TECPR1: variants seen among roughly 807,000 people sequenced by gnomAD.
TECPR1 encodes tectonin beta-propeller repeat-containing protein 1.
In TECPR1, 122 loss-of-function variants were observed where a neutral mutation model predicts 162.4. That is an observed-to-expected ratio of 0.75 (90% CI 0.65 to 0.87). The LOEUF is 0.87. Ranked by LOEUF, TECPR1 falls within the 40% of genes least tolerant of loss-of-function variation. The probability of loss-of-function intolerance (pLI) is 0.00; values close to 1 mark genes in which losing one functional copy is unlikely to be tolerated. For synonymous variants in TECPR1, 642 were observed against 670.6 expected (o/e 0.96, Z 0.66); for missense variants, 1,432 against 1,618.2 (o/e 0.88, Z 1.97).
At position 98,227,994 on chromosome 7, in the gene TECPR1, C is replaced by G; in HGVS notation, c.2513+20G>C. On this transcript the variant is annotated intron_variant, in intron 17 of 25. Coordinates refer to ENST00000447648, the MANE Select transcript of TECPR1 (RefSeq NM_015395.3). The stretch of plus-strand genomic sequence containing the variant: ...GGCCTATGCCAGGCAGCATCCTGGC[C>G]GGGCACCTGTGCCACTTACCTGCTG... The G allele has an allele frequency of 6.2e-7, 1 of 1,600,196 alleles. No homozygotes were observed. The highest frequency in any genetic ancestry group is 8.5e-7 in the Non-Finnish European group (1 of 1,171,962).
At chr7:98,225,231 G>A (rs1798251811) in intron 17 of TECPR1, 129 bp from the exon 18 acceptor site, 2 of 842,170 alleles carry the variant, frequency 2.4e-6, no homozygotes, top group African/African-American at 1.7e-5. Context: ...CCAGGCACTC[G>A]CACTCCTAAG....
intron 17 of TECPR1, among the ~76,000 whole-genome samples, chr7:98,225,451 C>T (rs1798256600): frequency 6.6e-6 from 1 of 151,662 alleles, no homozygotes; most frequent in African/African-American, 2.4e-5. Context: ...AGGGGAATCG[C>T]TTGAACCCGG....
chr7:98,250,217 A>G (rs1353336343), intron 2 of TECPR1, among the ~76,000 whole-genome samples: 4 of 152,190 alleles, frequency 2.6e-5, no homozygotes, highest in Admixed American at 6.5e-5. Flanking sequence ...TGCTGACTGT[A>G]TAATTCTTTC....
At chr7:98,226,737 C>T (rs1477065994) in intron 17 of TECPR1, 2 of 933,064 alleles carry the variant, frequency 2.1e-6, no homozygotes, top group Non-Finnish European at 3.0e-6. Flanking sequence ...AGTTGGAGAC[C>T]AGCCTCACCA....
rs370643693 is a variant in TECPR1 at position 98,236,892 on chromosome 7, G to A, written c.1065C>T (p.Ala355=). The change falls in exon 10 of 26, where the codon GCC becomes GCT. Residue 355 remains alanine (A), a synonymous_variant. Coordinates refer to ENST00000447648, the MANE Select transcript of TECPR1 (RefSeq NM_015395.3). ...QVWGIGCEDR[A]VYFRQGVTPS... ...GGGTGACACCCTGCCGGAAGTACAC[G>A]GCTCGGTCCTCACAGCCAATGCCCC... is the stretch of plus-strand genomic sequence containing the variant. The A allele has an allele frequency of 2.7e-5, 43 of 1,574,522 alleles. 1 individual carries two copies. The highest frequency in any genetic ancestry group is 2.5e-4 in the African/African-American group (18 of 73,404).
intron 21 of TECPR1, 77 bp from the exon 22 acceptor site, chr7:98,222,598 T>C (rs1026367326): frequency 1.3e-6 from 2 of 1,511,928 alleles, no homozygotes; most frequent in Non-Finnish European, 1.8e-6. Flanking sequence ...CCAGCAGAAA[T>C]GGGCCTAGCG....
chr7:98,237,661 G>C (rs910709255), intron 9 of TECPR1, among the ~76,000 whole-genome samples: 17 of 152,130 alleles, frequency 1.1e-4, no homozygotes, highest in African/African-American at 4.1e-4. Context: ...TAGACACAAG[G>C]TTTCACTGTG....
In TECPR1 at chr7:98,217,492, G is replaced by C. The variant is rs201224382; in HGVS notation, c.3396C>G (p.Asp1132Glu). ...GWDYGIGGGW[D>E]HISVRANATR... ...TGGCATTGGCCCGGACAGAGATATG[G>C]TCCCAGCCTCCCTGGAAGGAGAGAG... is the stretch of plus-strand genomic sequence containing the variant. The change falls in exon 26 of 26, where the codon GAC (aspartate) becomes GAG (glutamate). Residue 1132 changes from aspartate (D) to glutamate (E), a missense_variant. Coordinates refer to ENST00000447648, the MANE Select transcript of TECPR1 (RefSeq NM_015395.3). 2.8e-5 allele frequency: 45 copies of C among 1,606,930 alleles called. No individual in the cohort carries two copies. The African/African-American group carries it at 5.5e-4, about 20-fold the overall frequency.
rs1798512964 is a variant in TECPR1 at position 98,233,622 on chromosome 7, C to T, written c.1471G>A (p.Asp491Asn). The T allele has an allele frequency of 1.3e-6, 2 of 1,587,228 alleles. No homozygotes were observed. Among genetic ancestry groups the T allele is most frequent in the African/African-American group, 2.7e-5 (2 of 74,012 alleles). ...GGCACTTTCTTGGCCTCCTTGAGGT[C>T]AATATTGGTCCAGGGCAGCTCGGCC... The part of the protein sequence containing the change: ...TPAELPWTNI[D>N]LKEAKKVPSH... The change falls in exon 11 of 26, where the codon GAC becomes AAC. Residue 491 changes from aspartate to asparagine, a missense_variant. By Grantham distance (23) the Asp-to-Asn change is conservative (BLOSUM62 1). Transcript: ENST00000447648.
At chr7:98,237,659 A>C (rs769626739) in intron 9 of TECPR1, among the ~76,000 whole-genome samples, 2 of 152,058 alleles carry the variant, frequency 1.3e-5, no homozygotes, top group South Asian at 4.2e-4. Context: ...AGTAGACACA[A>C]GGTTTCACTG....
At chr7:98,229,479 T>C (rs1270236617) in intron 15 of TECPR1, among the ~76,000 whole-genome samples, 1 of 152,070 alleles carries the variant, frequency 6.6e-6, no homozygotes, top group African/African-American at 2.4e-5. Context: ...CAGCGGCGTG[T>C]TTCACAGGGG....
intron 23 of TECPR1, among the ~76,000 whole-genome samples, chr7:98,219,210 G>A (rs531675451): frequency 9.9e-5 from 15 of 152,134 alleles, no homozygotes; most frequent in African/African-American, 3.4e-4. Flanking sequence ...AACTGGATCC[G>A]TATCTCTCAC....
intron 5 of TECPR1, among the ~76,000 whole-genome samples, chr7:98,244,308 T>C (rs540197609): frequency 1.3e-5 from 2 of 152,214 alleles, no homozygotes; most frequent in Non-Finnish European, 2.9e-5. Context: ...AGGCTCAGTC[T>C]GGGACAGAGC....
In TECPR1 at chr7:98,228,033, C is replaced by T. The variant is rs766127606; in HGVS notation, c.2494G>A (p.Val832Ile). ...HIYENQRWNPVTGYTSRGLPT... is the reference protein window; with the variant it reads ...HIYENQRWNPITGYTSRGLPT... ...ACTTACCTGCTGGTGTAGCCTGTGA[C>T]GGGGTTCCAGCGCTGGTTCTCATAG... The change falls in exon 17 of 26, where the codon GTC (valine) becomes ATC (isoleucine). Residue 832 changes from valine (V) to isoleucine (I), a missense_variant. Physicochemically the swap from Val to Ile is conservative, Grantham distance 29 (BLOSUM62 3). Coordinates refer to ENST00000447648, the MANE Select transcript of TECPR1 (RefSeq NM_015395.3). 15 of 1,612,552 alleles carry T rather than the reference C, an allele frequency of 9.3e-6. No individual in the cohort carries two copies. The highest frequency in any genetic ancestry group is 5.0e-5 in the Admixed American group (3 of 59,872).
chr7:98,217,639 C>T (rs1389446765), intron 25 of TECPR1, 53 bp downstream of exon 25: 21 of 1,518,940 alleles, frequency 1.4e-5, no homozygotes, highest in Non-Finnish European at 1.8e-5. Flanking sequence ...GTCTTCAGCA[C>T]CCAGTGCAGG....
intron 2 of TECPR1, among the ~76,000 whole-genome samples, chr7:98,247,791 T>C (rs1331876797): frequency 1.3e-5 from 2 of 152,100 alleles, no homozygotes; most frequent in African/African-American, 4.8e-5. Flanking sequence ...GGTGCAATCA[T>C]AGCTCACTGC....
rs183373513 is a variant in TECPR1 at position 98,249,721 on chromosome 7, G to A, written c.-20+1673C>T. 1.9e-3 allele frequency among the ~76,000 whole-genome samples: 294 copies of A among 152,270 alleles called. 1 individual carries two copies. The highest frequency in any genetic ancestry group is 2.6e-3 in the Non-Finnish European group (178 of 68,028). On this transcript the variant is annotated intron_variant, in intron 2 of 25. Coordinates refer to ENST00000447648, the MANE Select transcript of TECPR1 (RefSeq NM_015395.3). The stretch of plus-strand genomic sequence containing the variant: ...TCCCAACACTTTGGGAGGCCAAGGC[G>A]GGCAGATTGCTTGAGGCCAGGAGTT...
At position 98,241,215 on chromosome 7, in the gene TECPR1, G is replaced by A. The variant is rs1348864408; in HGVS notation, c.687C>T (p.Ser229=). The stretch of plus-strand genomic sequence containing the variant: ...GGGACCAGGAGGACCCTTCGGGGTT[G>A]GAGTGGCTGACGTCCTCTCTGTACC... ...KVWYREDVSH[S]NPEGSSWSLL... Residue 229 remains serine (S), a synonymous_variant, in exon 7 of 26, where the codon TCC becomes TCT. Transcript: ENST00000447648. This position sits in a 1 kb window ranked among gnomAD's most constrained non-coding sequence, Gnocchi z 5.0. The A allele has an allele frequency of 1.9e-6, 3 of 1,612,596 alleles. No individual in the cohort carries two copies. The highest frequency in any genetic ancestry group is 1.7e-6 in the Non-Finnish European group (2 of 1,179,830).
intron 20 of TECPR1, 31 bp downstream of exon 20, chr7:98,223,631 C>T (rs1258944827): frequency 6.2e-7 from 1 of 1,612,896 alleles, no homozygotes; most frequent in African/African-American, 1.3e-5. Flanking sequence ...AGGAGCCTGA[C>T]CGTGACAGTC....
Sources: gnomAD v4.1 joint callset for allele counts (sites outside exome capture counted in the v4.1 genomes callset) on GRCh38, gnomAD v4.1.1 for gene constraint, Gnocchi (gnomAD v3.1) non-coding constraint, MANE v1.5 for transcripts, NCBI Gene and HGNC (gene_info 2026-07-23, HGNC 2026-07-21) for gene names.